ANKIB1: variants seen among roughly 807,000 people sequenced by gnomAD.
ANKIB1 encodes the protein ankyrin repeat and IBR domain containing 1.
In ANKIB1, 43 loss-of-function variants were observed where a neutral mutation model predicts 122.1. That is an observed-to-expected ratio of 0.35 (90% CI 0.28 to 0.45). The LOEUF (loss-of-function observed/expected upper bound fraction) is 0.45. Among genes scored for constraint, ANKIB1 ranks in the 20% least tolerant of loss-of-function variants. The pLI, the probability that ANKIB1 is intolerant of heterozygous loss-of-function variation, is 1.00. For missense variants in ANKIB1, 992 were observed against 1,329.5 expected (o/e 0.75, Z 3.95); for synonymous variants, 390 against 442.0 (o/e 0.88, Z 1.48).
intron 14 of ANKIB1, among the ~76,000 whole-genome samples, chr7:92,389,323 G>T (rs150735361): frequency 6.8e-4 from 103 of 151,136 alleles, no homozygotes; most frequent in African/African-American, 8.2e-4. Flanking sequence ...TTAATTTCTG[G>T]TTTTTTTCTG....
chr7:92,246,695 C>T (rs1046637699), intron 1 of ANKIB1, among the ~76,000 whole-genome samples, 176 bp downstream of exon 1: 2 of 152,180 alleles, frequency 1.3e-5, no homozygotes, highest in Non-Finnish European at 2.9e-5. Flanking sequence ...GCATTCTCTG[C>T]CCTACAGGGC....
At chr7:92,292,051 ATTTTG>A (rs1238742533) in intron 1 of ANKIB1, among the ~76,000 whole-genome samples, 1 of 152,200 alleles carries the variant, frequency 6.6e-6, no homozygotes, top group East Asian at 1.9e-4. Flanking sequence ...ACATAGACAT[ATTTTG>A]GAGTTCCAGA....
rs530024976 is a variant in ANKIB1 at position 92,356,182 on chromosome 7, C to T, written c.1397+3540C>T. On this transcript the variant is annotated intron_variant, in intron 9 of 19. Coordinates refer to ENST00000265742, the MANE Select transcript of ANKIB1 (RefSeq NM_019004.2). ...TATTCAGAGCAGTAGTTGCATGCAT[C>T]ATCTCCCTCTGCACAGACCTCACAG... is the stretch of plus-strand genomic sequence containing the variant. Among the ~76,000 whole-genome samples the T allele has an allele frequency of 3.9e-4, 60 of 152,252 alleles. 1 individual carries two copies. Among genetic ancestry groups the T allele is most frequent in the African/African-American group, 1.4e-3 (59 of 41,544 alleles).
intron 9 of ANKIB1, among the ~76,000 whole-genome samples, chr7:92,361,430 T>C (rs181079096): frequency 6.6e-6 from 1 of 152,316 alleles, no homozygotes; most frequent in African/African-American, 2.4e-5. Flanking sequence ...GAAGGTTCAT[T>C]TGGTAATTTT....
chr7:92,272,780 A>C (rs190005054), intron 1 of ANKIB1, among the ~76,000 whole-genome samples: 4 of 152,238 alleles, frequency 2.6e-5, no homozygotes, highest in Non-Finnish European at 5.9e-5. Flanking sequence ...TGAGAAATAC[A>C]TCATTAGATG....
At chr7:92,378,715 G>T (rs1021510042) in intron 11 of ANKIB1, among the ~76,000 whole-genome samples, 23 of 152,142 alleles carry the variant, frequency 1.5e-4, no homozygotes, top group Non-Finnish European at 2.9e-4. Context: ...AACAGAAAGA[G>T]ATTAGTGATA....
chr7:92,346,318 A>T (rs1165908051), intron 7 of ANKIB1, among the ~76,000 whole-genome samples: 1 of 152,008 alleles, frequency 6.6e-6, no homozygotes, highest in Non-Finnish European at 1.5e-5. Flanking sequence ...TTTAGTAGAG[A>T]TGGGGTTTTG....
chr7:92,383,830 C>T (rs1199184534), intron 11 of ANKIB1, among the ~76,000 whole-genome samples: 1 of 152,144 alleles, frequency 6.6e-6, no homozygotes, highest in Non-Finnish European at 1.5e-5. Context: ...AAAACTGGCA[C>T]AAGACAGGGA....
At chr7:92,355,149 T>C (rs1454412559) in intron 9 of ANKIB1, among the ~76,000 whole-genome samples, 3 of 152,206 alleles carry the variant, frequency 2.0e-5, no homozygotes, top group Non-Finnish European at 4.4e-5. Context: ...TAGCATGGTT[T>C]CTCCCCCTAG....
chr7:92,287,176 A>G (rs1056893101), intron 1 of ANKIB1, among the ~76,000 whole-genome samples: 5 of 152,252 alleles, frequency 3.3e-5, no homozygotes, highest in Non-Finnish European at 5.9e-5. Context: ...AAAGTAAGAA[A>G]TTAACATTGG....
intron 6 of ANKIB1, 47 bp from the exon 7 acceptor site, chr7:92,344,929 CTT>C: frequency 6.9e-7 from 1 of 1,459,624 alleles, no homozygotes; most frequent in South Asian, 1.2e-5. Context: ...GTATTGTTCT[CTT>C]TCAGAAGTAC....
chr7:92,336,510 C>T (rs1803291452), intron 5 of ANKIB1, among the ~76,000 whole-genome samples: 1 of 152,110 alleles, frequency 6.6e-6, no homozygotes, highest in Non-Finnish European at 1.5e-5. Context: ...AGTTTTTCCA[C>T]ATGTCTAGTA....
At chr7:92,264,764 G>A (rs1273080443) in intron 1 of ANKIB1, among the ~76,000 whole-genome samples, 1 of 152,054 alleles carries the variant, frequency 6.6e-6, no homozygotes, top group African/African-American at 2.4e-5. Context: ...AATGCTAGGT[G>A]CTATTGTTAC....
At chr7:92,262,772 A>G (rs941251598) in intron 1 of ANKIB1, among the ~76,000 whole-genome samples, 2 of 152,162 alleles carry the variant, frequency 1.3e-5, no homozygotes, top group African/African-American at 4.8e-5. Flanking sequence ...TTTTAAAAGA[A>G]AGAAAAAAGA....
chr7:92,341,354 A>G (rs1167482728), intron 5 of ANKIB1, among the ~76,000 whole-genome samples: 6 of 151,938 alleles, frequency 3.9e-5, no homozygotes, highest in African/African-American at 1.4e-4. Context: ...TTGGAAAGCC[A>G]TCTAGCATTT....
At chr7:92,364,228 G>A (rs767869300) in intron 10 of ANKIB1, among the ~76,000 whole-genome samples, 5 of 146,102 alleles carry the variant, frequency 3.4e-5, no homozygotes, top group Admixed American at 2.2e-4. Context: ...CAGGAGAATC[G>A]CTTGAACCCA....
rs1406373688 is a variant in ANKIB1, at chr7:92,345,157, A to G, written c.1085+91A>G. On this transcript the variant is annotated intron_variant, in intron 7 of 19. Transcript: ENST00000265742. ...TTTGCTTTCAGTATTTAATGATGCA[A>G]ATTGTTTATATTGACTTCTGAGTTA... 6 of 884,780 alleles carry G rather than the reference A, an allele frequency of 6.8e-6. No homozygotes were observed. In the South Asian group the frequency reaches 8.2e-5, roughly 12 times the overall value. 54.8% of individuals were successfully genotyped at this position (884,780 alleles called of 1,614,324 possible).
intron 11 of ANKIB1, among the ~76,000 whole-genome samples, chr7:92,379,915 G>A (rs139599941): frequency 5.8e-4 from 89 of 152,270 alleles, no homozygotes; most frequent in African/African-American, 2.1e-3. Flanking sequence ...TGCAGCACAC[G>A]AAGGGCAAGC....
intron 1 of ANKIB1, among the ~76,000 whole-genome samples, chr7:92,269,819 T>A (rs983586980): frequency 6.6e-6 from 1 of 152,044 alleles, no homozygotes; most frequent in Non-Finnish European, 1.5e-5. Flanking sequence ...AATTATACTT[T>A]AAGTTCTAGG....
Sources: gnomAD v4.1 joint callset for allele counts (sites outside exome capture counted in the v4.1 genomes callset) on GRCh38, gnomAD v4.1.1 for gene constraint, MANE v1.5 for transcripts, NCBI Gene and HGNC (gene_info 2026-07-23, HGNC 2026-07-21) for gene names.